OR4M1: variants seen among roughly 807,000 people sequenced by gnomAD.
The protein encoded by OR4M1 is olfactory receptor 4M1.
OR4M1 carries 7 observed loss-of-function variants against 9.8 expected under a neutral mutation model. The ratio of observed to expected loss-of-function variants is 0.71; its 90% confidence interval spans 0.41 to 1.34. The LOEUF (loss-of-function observed/expected upper bound fraction) is 1.34, where lower values mean the gene tolerates loss of function less well. Among genes scored for constraint, OR4M1 ranks in the 40% most tolerant of loss-of-function variants. The pLI is 0.01. For missense variants in OR4M1, 331 were observed against 380.4 expected, an observed-to-expected ratio of 0.87 and a Z score of 1.08; for synonymous variants, 121 against 139.8, an observed-to-expected ratio of 0.87 and a Z score of 0.95.
intron 1 of OR4M1, among the ~76,000 whole-genome samples, chr14:19,773,895 A>G (rs1244689355): frequency 6.6e-6 from 1 of 152,248 alleles, no homozygotes; most frequent in Non-Finnish European, 1.5e-5. Context: ...AGGATGAATC[A>G]TTTGTAAATA....
At chr14:19,774,371 C>CCCAT (rs1230761611) in intron 1 of OR4M1, among the ~76,000 whole-genome samples, 1 of 152,292 alleles carries the variant, frequency 6.6e-6, no homozygotes, top group South Asian at 2.1e-4. Context: ...ATGTAATCAT[C>CCCAT]CCATCCATCC....
Position 19,776,833 on chromosome 14 carries a change from G to T in OR4M1, c.-30+3240G>T, listed in dbSNP as rs750354594. Among the ~76,000 whole-genome samples the T allele has an allele frequency of 5.3e-5, 8 of 151,914 alleles. No individual in the cohort carries two copies. The South Asian group carries it at 1.7e-3, about 31-fold the overall frequency. On this transcript the variant is annotated intron_variant, in intron 1 of 1. Transcript: ENST00000641200. ...GATGAACCTCATTTTAGACACAGAA[G>T]ATAGGAAAACAATATTTTTAAATTG...
chr14:19,783,386 T>G lies in OR4M1; in HGVS notation c.*2122T>G, dbSNP rs545155002. On this transcript the variant is annotated 3_prime_UTR_variant, in exon 2 of 2. Transcript: ENST00000641200. ...AATGCACAGGACAGCCCCCAGCCCCTGACTCCCACATGAATTATCTGGCCC... is the reference window on the plus strand; with the variant it reads ...AATGCACAGGACAGCCCCCAGCCCCGGACTCCCACATGAATTATCTGGCCC... 1 of 152,726 alleles carries G rather than the reference T, an allele frequency of 6.5e-6. No homozygotes were observed. The highest frequency in any genetic ancestry group is 6.5e-5 in the Admixed American group (1 of 15,302). The allele number at this position is 152,726 out of a possible 1,614,324, so 9.5% of individuals were successfully genotyped here. A position where few individuals can be genotyped will look rare whatever the true frequency, so the allele number is the denominator to read the frequency against.
intron 1 of OR4M1, among the ~76,000 whole-genome samples, chr14:19,774,635 C>A (rs1878257257): frequency 6.6e-6 from 1 of 152,140 alleles, no homozygotes; most frequent in African/African-American, 2.4e-5. Flanking sequence ...AAAACTCATA[C>A]AAAATTTCAG....
chr14:19,782,293 C>T lies in OR4M1; in HGVS notation c.*1029C>T, dbSNP rs1878524269. 1 of 152,236 alleles carries T rather than the reference C, an allele frequency of 6.6e-6. No individual in the cohort carries two copies. Among genetic ancestry groups the T allele is most frequent in the Non-Finnish European group, 1.5e-5 (1 of 68,036 alleles). The allele number at this position is 152,236 out of a possible 1,614,324, so 9.4% of individuals were successfully genotyped here. A position where few individuals can be genotyped will look rare whatever the true frequency, so the allele number is the denominator to read the frequency against. ...CCTATTTTCAAGCACTAAAAACTCACTCTCCAAGCTTCTGAATGTAAGAGG... is the reference window on the plus strand; with the variant it reads ...CCTATTTTCAAGCACTAAAAACTCATTCTCCAAGCTTCTGAATGTAAGAGG... On this transcript the variant is annotated 3_prime_UTR_variant, in exon 2 of 2. Coordinates refer to ENST00000641200, the MANE Select transcript of OR4M1 (RefSeq NM_001005500.2).
Position 19,781,255 on chromosome 14 carries a change from A to G in OR4M1, c.933A>G (p.Glu311=), listed in dbSNP as rs772410362. The G allele has an allele frequency of 3.7e-6, 6 of 1,605,180 alleles. No homozygotes were observed. In the Admixed American group the frequency reaches 1.0e-4, roughly 27 times the overall value. ...RKVVTKYILC[E]EK Reference sequence around the variant, plus strand: ...TGGTCACCAAATATATTTTGTGTGAAGAGAAGTGAAAGATAAATTATACAT... The same window carrying G: ...TGGTCACCAAATATATTTTGTGTGAGGAGAAGTGAAAGATAAATTATACAT... Residue 311 remains glutamate (E), a synonymous_variant, in exon 2 of 2, where the codon GAA becomes GAG. Transcript: ENST00000641200.
intron 1 of OR4M1, among the ~76,000 whole-genome samples, chr14:19,777,344 T>C (rs572415281): frequency 1.3e-5 from 2 of 152,068 alleles, no homozygotes; most frequent in Admixed American, 1.3e-4. Flanking sequence ...AAAATGCTTT[T>C]CTTCAAACTT....
rs3968196 is a variant in OR4M1, at chr14:19,781,157, G to A, written c.835G>A (p.Val279Ile). The change falls in exon 2 of 2, where the codon GTA becomes ATA. Residue 279 changes from valine to isoleucine, a missense_variant. Val to Ile is a conservative substitution (Grantham distance 29, BLOSUM62 3). Coordinates refer to ENST00000641200, the MANE Select transcript of OR4M1 (RefSeq NM_001005500.2). Reference protein sequence around the residue: ...LDKVVSVFHTVIFPLLNPIIY... With the variant: ...LDKVVSVFHTIIFPLLNPIIY... ...TAAAGTGGTGTCTGTGTTTCATACT[G>A]TAATATTCCCTTTACTTAATCCCAT... 1.5e-3 allele frequency: 2,434 copies of A among 1,613,932 alleles called. 2 individuals carry two copies. The highest frequency in any genetic ancestry group is 6.3e-3 in the Middle Eastern group (38 of 6,052).
intron 1 of OR4M1, among the ~76,000 whole-genome samples, chr14:19,774,740 G>A (rs1244591237): frequency 6.6e-6 from 1 of 152,192 alleles, no homozygotes; most frequent in Non-Finnish European, 1.5e-5. Context: ...GGAAAAATGT[G>A]GGGACCATTA....
Position 19,781,328 on chromosome 14 carries a change from A to G in OR4M1, c.*64A>G. The G allele has an allele frequency of 3.0e-6, 4 of 1,355,292 alleles. No individual in the cohort carries two copies. Among genetic ancestry groups the G allele is most frequent in the Non-Finnish European group, 4.0e-6 (4 of 988,624 alleles). The allele number at this position is 1,355,292 out of a possible 1,614,324, so 84.0% of individuals were successfully genotyped here. ...TTGTCCTAAAGCAGGAAGTATTTGCAGTAATAATGCTGCATTCACTTCCTC... is the reference window on the plus strand; with the variant it reads ...TTGTCCTAAAGCAGGAAGTATTTGCGGTAATAATGCTGCATTCACTTCCTC... On this transcript the variant is annotated 3_prime_UTR_variant, in exon 2 of 2. Transcript: ENST00000641200.
At position 19,781,207 on chromosome 14, in the gene OR4M1, A is replaced by G; in HGVS notation, c.885A>G (p.Glu295=). The G allele has an allele frequency of 6.2e-7, 1 of 1,614,036 alleles. No homozygotes were observed. Among genetic ancestry groups the G allele is most frequent in the Non-Finnish European group, 8.5e-7 (1 of 1,179,914 alleles). ...NPIIYTLRNK[E]VKAAMRKVVT... is the part of the protein sequence containing the mutation. ...TTATTTACACATTGAGAAACAAGGAAGTAAAGGCAGCCATGAGGAAGGTGG... is the reference window on the plus strand; with the variant it reads ...TTATTTACACATTGAGAAACAAGGAGGTAAAGGCAGCCATGAGGAAGGTGG... The change falls in exon 2 of 2, where the codon GAA becomes GAG. Residue 295 remains glutamate, a synonymous_variant. Coordinates refer to ENST00000641200, the MANE Select transcript of OR4M1 (RefSeq NM_001005500.2).
chr14:19,778,347 G>A (rs891282991), intron 1 of OR4M1, among the ~76,000 whole-genome samples: 5 of 152,198 alleles, frequency 3.3e-5, no homozygotes, highest in South Asian at 2.1e-4. Flanking sequence ...GAGGAGGAAG[G>A]GGTGATTTGT....
At chr14:19,778,968 G>A (rs1878387233) in intron 1 of OR4M1, among the ~76,000 whole-genome samples, 1 of 152,164 alleles carries the variant, frequency 6.6e-6, no homozygotes, top group Non-Finnish European at 1.5e-5. Flanking sequence ...CAATTTCTGA[G>A]TATTTTTACC....
In OR4M1 at chr14:19,780,686, C is replaced by A. The variant is rs575861745; in HGVS notation, c.364C>A (p.Arg122Ser). The change falls in exon 2 of 2, where the codon CGC (arginine) becomes AGC (serine). Residue 122 changes from arginine to serine, a missense_variant. Arg to Ser is a moderately radical substitution (Grantham distance 110). This residue lies in a region of OR4M1 where 209 missense variants were observed against 200.0 expected (regional missense o/e 1.04). Transcript: ENST00000641200. ...MFLLTVMAYDRYAAICRPLHY... is the reference protein window; with the variant it reads ...MFLLTVMAYDSYAAICRPLHY... ...CTTGCTCACAGTGATGGCCTATGACCGCTATGCTGCTATCTGCCGACCCCT... is the reference window on the plus strand; with the variant it reads ...CTTGCTCACAGTGATGGCCTATGACAGCTATGCTGCTATCTGCCGACCCCT... 34 of 1,614,112 alleles carry A rather than the reference C, an allele frequency of 2.1e-5. No individual in the cohort carries two copies. The highest frequency in any genetic ancestry group is 1.7e-6 in the Non-Finnish European group (2 of 1,180,050).
intron 1 of OR4M1, among the ~76,000 whole-genome samples, 161 bp downstream of exon 1, chr14:19,773,754 G>A (rs1404200132): frequency 6.6e-6 from 1 of 152,254 alleles, no homozygotes; most frequent in Non-Finnish European, 1.5e-5. Context: ...TGATGATAGT[G>A]TAGAGCAGGT....
chr14:19,774,560 G>A lies in OR4M1; in HGVS notation c.-30+967G>A, dbSNP rs143870363. On this transcript the variant is annotated intron_variant, in intron 1 of 1. Transcript: ENST00000641200. The stretch of plus-strand genomic sequence containing the variant: ...GTAATGAGTTAAAATTTGTACTGGA[G>A]GTGTAAACAGAGTACTATTATGGGA... Among the ~76,000 whole-genome samples, 598 of 152,234 alleles carry A rather than the reference G, an allele frequency of 3.9e-3. 3 individuals are homozygous for A. Among genetic ancestry groups the A allele is most frequent in the Middle Eastern group, 0.02 (6 of 294 alleles).
chr14:19,782,747 T>G lies in OR4M1; in HGVS notation c.*1483T>G, dbSNP rs1186785488. On this transcript the variant is annotated 3_prime_UTR_variant, in exon 2 of 2. Transcript: ENST00000641200. ...CTAGGAACCCAAAGGCATGGATTGATGTTATGAGTCCTGATTTTTGAGTTG... is the reference window on the plus strand; with the variant it reads ...CTAGGAACCCAAAGGCATGGATTGAGGTTATGAGTCCTGATTTTTGAGTTG... 2.0e-5 allele frequency: 3 copies of G among 152,252 alleles called. No individual in the cohort carries two copies. The highest frequency in any genetic ancestry group is 4.4e-5 in the Non-Finnish European group (3 of 68,048). The allele number at this position is 152,252 out of a possible 1,614,324, so 9.4% of individuals were successfully genotyped here.
At chr14:19,776,611 T>G (rs1383906637) in intron 1 of OR4M1, among the ~76,000 whole-genome samples, 1 of 152,166 alleles carries the variant, frequency 6.6e-6, no homozygotes, top group Non-Finnish European at 1.5e-5. Context: ...AGACATCCCC[T>G]CCTCAATGGC....
chr14:19,775,243 A>T (rs909301326), intron 1 of OR4M1, among the ~76,000 whole-genome samples: 1 of 152,252 alleles, frequency 6.6e-6, no homozygotes, highest in African/African-American at 2.4e-5. Context: ...ACAATTGTGC[A>T]TGTGCACGGT....
Sources: gnomAD v4.1 joint callset for allele counts (sites outside exome capture counted in the v4.1 genomes callset) on GRCh38, gnomAD v4.1.1 for gene constraint, gnomAD v4.1.1 regional missense constraint, MANE v1.5 for transcripts, NCBI Gene and HGNC (gene_info 2026-07-23, HGNC 2026-07-21) for gene names.